NHSL1: variants seen among roughly 807,000 people sequenced by gnomAD.
NHSL1 encodes the protein NHS-like protein 1.
NHSL1 carries 48 observed loss-of-function variants against 95.0 expected under a neutral mutation model. That is an observed-to-expected ratio of 0.51 (90% CI 0.40 to 0.64). NHSL1 has a LOEUF of 0.64. Ranked by LOEUF, NHSL1 falls within the 30% of genes least tolerant of loss-of-function variation. The probability of loss-of-function intolerance (pLI) is 0.00; values close to 1 mark genes in which losing one functional copy is unlikely to be tolerated. For synonymous variants in NHSL1, 783 were observed against 833.9 expected, an observed-to-expected ratio of 0.94 and a Z score of 1.05; for missense variants, 1,971 against 2,077.7, an observed-to-expected ratio of 0.95 and a Z score of 1.00.
At chr6:138,674,317 G>C (rs184877430) in intron 1 of NHSL1, among the ~76,000 whole-genome samples, 1 of 151,660 alleles carries the variant, frequency 6.6e-6, no homozygotes, top group African/African-American at 2.4e-5. Context: ...ATTTTATTGT[G>C]TGTTTTTTTT....
At chr6:138,544,983 C>CTTTTTTT (rs35979187) in intron 1 of NHSL1, among the ~76,000 whole-genome samples, 168 of 83,450 alleles carry the variant, frequency 2.0e-3, no homozygotes, top group Non-Finnish European at 2.8e-3. Flanking sequence ...TCTTTCTTTT[C>CTTTTTTT]TTTTTTTTTT....
At chr6:138,464,416 G>A (rs528542222) in intron 3 of NHSL1, 154 of 359,944 alleles carry the variant, frequency 4.3e-4, no homozygotes, top group African/African-American at 2.7e-3. Flanking sequence ...CAGGAAGGCC[G>A]AGGATGGGAG....
chr6:138,671,084 G>T (rs1785362005), intron 1 of NHSL1, among the ~76,000 whole-genome samples: 1 of 152,168 alleles, frequency 6.6e-6, no homozygotes, highest in Non-Finnish European at 1.5e-5. Context: ...GAAGCCAGGA[G>T]TTTGAGGCTG....
At chr6:138,640,932 T>C (rs1228007820) in intron 1 of NHSL1, among the ~76,000 whole-genome samples, 2 of 152,336 alleles carry the variant, frequency 1.3e-5, no homozygotes, top group East Asian at 1.9e-4. Context: ...CTGACATCAG[T>C]GGGCAATGGT....
At chr6:138,581,567 C>T (rs1583432713) in intron 1 of NHSL1, among the ~76,000 whole-genome samples, 1 of 151,952 alleles carries the variant, frequency 6.6e-6, no homozygotes, top group East Asian at 1.9e-4. Flanking sequence ...TCGTGTGTGC[C>T]TGTAATCCCA....
rs370342182 is a variant in NHSL1 at position 138,592,620 on chromosome 6, A to AAAAAAC, written c.97-96255_97-96250dup. 8.4e-3 allele frequency among the ~76,000 whole-genome samples: 1,277 copies of AAAAAAC among 151,964 alleles called. 14 individuals are homozygous for AAAAAAC. Among genetic ancestry groups the AAAAAAC allele is most frequent in the African/African-American group, 0.029 (1,219 of 41,438 alleles). On this transcript the variant is annotated intron_variant, in intron 1 of 3. Transcript: ENST00000491526. The stretch of plus-strand genomic sequence containing the variant: ...GTCGCACAAAAAAACAAAAAACAAC[A>AAAAAAC]AAAAACAAAAAACAACAACAAAAAA...
chr6:138,589,196 A>G (rs1291281485), intron 1 of NHSL1, among the ~76,000 whole-genome samples: 1 of 152,208 alleles, frequency 6.6e-6, no homozygotes, highest in African/African-American at 2.4e-5. Flanking sequence ...CAACCTGGAG[A>G]TTAACACTCA....
chr6:138,491,698 T>C (rs117225070), intron 2 of NHSL1, among the ~76,000 whole-genome samples: 37 of 152,354 alleles, frequency 2.4e-4, no homozygotes, highest in East Asian at 1.9e-3. Flanking sequence ...CAGATGTCTA[T>C]TGAAGCAAAT....
intron 1 of NHSL1, among the ~76,000 whole-genome samples, chr6:138,643,571 T>G (rs574116095): frequency 6.6e-6 from 1 of 152,266 alleles, no homozygotes; most frequent in Non-Finnish European, 1.5e-5. Flanking sequence ...CTATATGTGT[T>G]GCATAAGATG....
chr6:138,692,229 T>G lies in NHSL1; in HGVS notation c.96+247A>C, dbSNP rs574740384. The G allele has an allele frequency of 8.8e-4, 400 of 455,184 alleles. 2 individuals are homozygous for G. The highest frequency in any genetic ancestry group is 2.0e-3 in the Middle Eastern group (6 of 3,066). The allele number at this position is 455,184 out of a possible 1,614,324, so 28.2% of individuals were successfully genotyped here. On this transcript the variant is annotated intron_variant, in intron 1 of 3. Coordinates refer to the NHSL1 transcript ENST00000491526. The surrounding 1 kb of genome is among the most constrained non-coding windows in gnomAD (Gnocchi z 4.0). ...GGAGCAGACAAGGGGACTGTCCAAT[T>G]CCCACCCTCCGCGCCCACTCTCTCG...
Position 138,654,919 on chromosome 6 carries a change from C to A in NHSL1, c.96+37557G>T, listed in dbSNP as rs146222739. Among the ~76,000 whole-genome samples the A allele has an allele frequency of 1.1e-4, 17 of 152,268 alleles. 1 individual carries two copies. Among genetic ancestry groups the A allele is most frequent in the African/African-American group, 3.9e-4 (16 of 41,542 alleles). The stretch of plus-strand genomic sequence containing the variant: ...GGGTGTGCACATGAATGATATGAGT[C>A]AGAGGATGTGTGAAAAGAGGTTGAC... On this transcript the variant is annotated intron_variant, in intron 1 of 3. Coordinates refer to the NHSL1 transcript ENST00000491526.
intron 1 of NHSL1, among the ~76,000 whole-genome samples, chr6:138,610,713 A>G (rs1249933114): frequency 6.6e-6 from 1 of 152,058 alleles, no homozygotes; most frequent in Non-Finnish European, 1.5e-5. Flanking sequence ...GCAATTGTCC[A>G]CACTTACTCA....
intron 3 of NHSL1, among the ~76,000 whole-genome samples, chr6:138,465,842 G>A (rs1443920313): frequency 6.6e-6 from 1 of 150,862 alleles, no homozygotes; most frequent in Non-Finnish European, 1.5e-5. Context: ...TCCTGCCTCA[G>A]CCTCCCGAGT....
intron 1 of NHSL1, among the ~76,000 whole-genome samples, chr6:138,584,962 A>C (rs570470696): frequency 2.2e-4 from 34 of 152,356 alleles, no homozygotes; most frequent in African/African-American, 7.9e-4. Context: ...GGTAAGGACC[A>C]CAGGGCCTTA....
chr6:138,431,133 T>C lies in NHSL1; in HGVS notation c.3212A>G (p.Glu1071Gly). The C allele has an allele frequency of 6.4e-7, 1 of 1,551,728 alleles. No individual in the cohort carries two copies. Among genetic ancestry groups the C allele is most frequent in the Non-Finnish European group, 8.7e-7 (1 of 1,146,992 alleles). The part of the protein sequence containing the change: ...SRPPMPLITT[E>G]ALQMVQLRPV... ...CCTCAACTGCACCATCTGCAATGCT[T>C]CCGTGGTTATCAGGGGCATGGGGGG... is the stretch of plus-strand genomic sequence containing the variant. The change falls in exon 6 of 8, where the codon GAA (glutamate) becomes GGA (glycine). Residue 1071 changes from glutamate (E) to glycine (G), a missense_variant. Physicochemically the swap from Glu to Gly is moderately conservative, Grantham distance 98. Transcript: ENST00000343505. This position sits in a 1 kb window ranked among gnomAD's most constrained non-coding sequence, Gnocchi z 4.0.
intron 1 of NHSL1, among the ~76,000 whole-genome samples, chr6:138,596,548 A>C (rs1784304347): frequency 6.6e-6 from 1 of 152,242 alleles, no homozygotes; most frequent in East Asian, 1.9e-4. Context: ...AACCAAGTGC[A>C]GAAACTGAAC....
intron 3 of NHSL1, among the ~76,000 whole-genome samples, chr6:138,467,616 A>G (rs974335201): frequency 2.0e-5 from 3 of 152,186 alleles, no homozygotes; most frequent in African/African-American, 7.2e-5. Context: ...CAGTAGGACA[A>G]GATGTGGAGG....
At chr6:138,439,161 T>C (rs2128211617) in intron 5 of NHSL1, among the ~76,000 whole-genome samples, 1 of 152,296 alleles carries the variant, frequency 6.6e-6, no homozygotes, top group Admixed American at 6.5e-5. Context: ...AAGGATAATA[T>C]AAATCCTTTC....
At chr6:138,627,676 G>C (rs907409009) in intron 1 of NHSL1, among the ~76,000 whole-genome samples, 2 of 152,108 alleles carry the variant, frequency 1.3e-5, no homozygotes, top group Non-Finnish European at 2.9e-5. Context: ...GAGGTCAGGA[G>C]TTTGAGACCA....
Sources: allele counts gnomAD v4.1 joint callset (sites outside exome capture counted in the v4.1 genomes callset), GRCh38; gene constraint gnomAD v4.1.1; non-coding constraint Gnocchi (gnomAD v3.1); transcripts MANE v1.5; gene names NCBI Gene and HGNC (gene_info 2026-07-23, HGNC 2026-07-21).